The following CCDC178 variants were observed in gnomAD, a reference collection of about 807,000 sequenced individuals.
CCDC178 encodes coiled-coil domain-containing protein 178.
In CCDC178, 126 loss-of-function variants were observed where a neutral mutation model predicts 117.4. That is an observed-to-expected ratio of 1.07 (90% CI 0.93 to 1.24). The LOEUF (loss-of-function observed/expected upper bound fraction) is 1.24. Among genes scored for constraint, CCDC178 ranks in the 50% most tolerant of loss-of-function variants. CCDC178 has a pLI of 0.00. For missense variants in CCDC178, 1,030 were observed against 986.9 expected (o/e 1.04, Z -0.59); for synonymous variants, 283 against 313.4 (o/e 0.90, Z 1.02).
intron 12 of CCDC178, among the ~76,000 whole-genome samples, chr18:33,284,578 G>C (rs778734748): frequency 3.3e-5 from 5 of 152,202 alleles, no homozygotes; most frequent in Middle Eastern, 3.4e-3. Context: ...ACTACATCTG[G>C]ATGGTGTTAT....
chr18:33,145,461 A>T (rs1485953837), intron 20 of CCDC178, among the ~76,000 whole-genome samples: 1 of 152,164 alleles, frequency 6.6e-6, no homozygotes, highest in African/African-American at 2.4e-5. Context: ...TTTAAGTATG[A>T]TTTATTGGGT....
intron 20 of CCDC178, among the ~76,000 whole-genome samples, chr18:33,204,782 T>C (rs1479115447): frequency 5.9e-5 from 9 of 152,148 alleles, no homozygotes; most frequent in Admixed American, 5.9e-4. Context: ...ATCCATTTAC[T>C]ATGTAGAATA....
At chr18:32,942,371 G>C (rs1458330231) in intron 22 of CCDC178, among the ~76,000 whole-genome samples, 2 of 152,106 alleles carry the variant, frequency 1.3e-5, no homozygotes, top group Admixed American at 6.6e-5. Flanking sequence ...AGCTCTCTAA[G>C]TGAGGCATAA....
chr18:33,023,135 G>T (rs1350168596), intron 21 of CCDC178, among the ~76,000 whole-genome samples: 1 of 152,100 alleles, frequency 6.6e-6, no homozygotes, highest in East Asian at 1.9e-4. Context: ...AACAATAGTT[G>T]ATGATTTCAA....
rs990712311 is a variant in CCDC178, at chr18:33,224,550, C to T, written c.1818+225G>A. Among the ~76,000 whole-genome samples, 8 of 152,126 alleles carry T rather than the reference C, an allele frequency of 5.3e-5. No individual in the cohort carries two copies. In the East Asian group the frequency reaches 1.5e-3, roughly 29 times the overall value. On this transcript the variant is annotated intron_variant, in intron 17 of 22. Transcript: ENST00000383096. ...TAAGTCACTACTCACGCACTTGAAA[C>T]CTGCTTTTCCCAAGTACCCTCTAAG...
chr18:33,073,520 TATC>T (rs2057147473), intron 21 of CCDC178, among the ~76,000 whole-genome samples: 2 of 147,242 alleles, frequency 1.4e-5, no homozygotes, highest in Non-Finnish European at 3.0e-5. Context: ...TCTATCTATC[TATC>T]TATCTATCTA....
chr18:33,035,786 C>T (rs1222494733), intron 21 of CCDC178, among the ~76,000 whole-genome samples: 1 of 151,708 alleles, frequency 6.6e-6, no homozygotes, highest in Non-Finnish European at 1.5e-5. Flanking sequence ...CATTGTATAC[C>T]TTGATTATAT....
intron 20 of CCDC178, among the ~76,000 whole-genome samples, chr18:33,180,511 G>C (rs899349390): frequency 2.0e-5 from 3 of 151,818 alleles, no homozygotes; most frequent in Admixed American, 1.3e-4. Context: ...CATCCTGGAA[G>C]AAATAGACTT....
At position 33,011,767 on chromosome 18, in the gene CCDC178, C is replaced by CAAAA. The variant is rs71177899; in HGVS notation, c.2389-37090_2389-37087dup. Reference sequence around the variant, plus strand: ...ACGTGGCAAATGATTGAGCAGAATGCAAAAAAAAAAAAAAAAAAAAAAAAA... The same window carrying CAAAA: ...ACGTGGCAAATGATTGAGCAGAATGCAAAAAAAAAAAAAAAAAAAAAAAAAAAAA... On this transcript the variant is annotated intron_variant, in intron 21 of 22. Transcript: ENST00000383096. Among the ~76,000 whole-genome samples the CAAAA allele has an allele frequency of 2.0e-3, 61 of 29,986 alleles. 17 individuals carry two copies. The highest frequency in any genetic ancestry group is 3.7e-3 in the East Asian group (2 of 536). 19.7% of individuals were successfully genotyped at this position (29,986 alleles called of 152,430 possible).
intron 20 of CCDC178, among the ~76,000 whole-genome samples, chr18:33,190,861 G>A (rs940129695): frequency 7.9e-5 from 12 of 151,872 alleles, no homozygotes; most frequent in African/African-American, 1.7e-4. Context: ...CTTATTCTTC[G>A]TTATTTCTCT....
At chr18:33,192,748 A>C (rs2058874818) in intron 20 of CCDC178, among the ~76,000 whole-genome samples, 1 of 151,756 alleles carries the variant, frequency 6.6e-6, no homozygotes, top group Non-Finnish European at 1.5e-5. Context: ...TAAAAATACA[A>C]AAATTAGCCG....
At chr18:32,987,455 CA>C (rs1242693547) in intron 21 of CCDC178, among the ~76,000 whole-genome samples, 1 of 151,666 alleles carries the variant, frequency 6.6e-6, no homozygotes, top group African/African-American at 2.4e-5. Context: ...TTTGGCAAAT[CA>C]AAAATTAAAA....
chr18:33,026,306 A>G (rs920331686), intron 21 of CCDC178, among the ~76,000 whole-genome samples: 5 of 152,086 alleles, frequency 3.3e-5, no homozygotes, highest in African/African-American at 1.2e-4. Context: ...GAATATCAAT[A>G]TCTGGTTGTG....
chr18:33,331,243 GTGAGTTATACCAGTTAGGAT>G (rs1362492277), intron 10 of CCDC178, among the ~76,000 whole-genome samples: 1 of 151,770 alleles, frequency 6.6e-6, no homozygotes, highest in Non-Finnish European at 1.5e-5. Context: ...TAACTAAATT[GTGAGTTATACCAGTTAGGAT>G]TGAGTTTTGC....
chr18:33,128,470 C>T (rs1456863978), intron 20 of CCDC178, among the ~76,000 whole-genome samples: 2 of 152,074 alleles, frequency 1.3e-5, no homozygotes, highest in African/African-American at 4.8e-5. Flanking sequence ...TCCAATTATT[C>T]TCTCCAAAAG....
chr18:33,403,861 T>C (rs986648318), intron 3 of CCDC178, among the ~76,000 whole-genome samples: 4 of 152,214 alleles, frequency 2.6e-5, no homozygotes, highest in South Asian at 2.1e-4. Context: ...GGTATATTTT[T>C]ACTTTTATCT....
intron 22 of CCDC178, among the ~76,000 whole-genome samples, chr18:32,962,507 G>T (rs1321708692): frequency 1.3e-5 from 2 of 152,112 alleles, no homozygotes; most frequent in East Asian, 1.9e-4. Flanking sequence ...AATTTTGAAA[G>T]ATATTTTTTC....
intron 5 of CCDC178, among the ~76,000 whole-genome samples, chr18:33,382,409 A>G (rs940928854): frequency 6.6e-5 from 10 of 152,188 alleles, no homozygotes; most frequent in African/African-American, 2.4e-4. Flanking sequence ...CTGAATAGAA[A>G]CAGCCATCTT....
intron 6 of CCDC178, among the ~76,000 whole-genome samples, chr18:33,363,061 G>T (rs1038677393): frequency 2.0e-5 from 3 of 151,124 alleles, no homozygotes; most frequent in Admixed American, 6.6e-5. Context: ...GAATATACAT[G>T]AACTCCCTAC....
Sources: gnomAD v4.1 joint callset for allele counts (sites outside exome capture counted in the v4.1 genomes callset) on GRCh38, gnomAD v4.1.1 for gene constraint, MANE v1.5 for transcripts, NCBI Gene and HGNC (gene_info 2026-07-23, HGNC 2026-07-21) for gene names.